The following GABRG3 variants were observed in gnomAD, a reference collection of about 807,000 sequenced individuals.
GABRG3 encodes the protein gamma-aminobutyric acid type A receptor subunit gamma3, also known as gamma-aminobutyric acid receptor subunit gamma-3.
Under a neutral mutation model 48.8 loss-of-function variants are expected in GABRG3, and 25 were observed. That is an observed-to-expected ratio of 0.51 (90% CI 0.37 to 0.72). GABRG3 has a LOEUF of 0.72. GABRG3 is among the 30% of genes least tolerant of loss of function. The probability of loss-of-function intolerance (pLI) is 0.00; values close to 1 mark genes in which losing one functional copy is unlikely to be tolerated. For missense variants in GABRG3, 394 were observed against 577.9 expected (o/e 0.68, Z 3.26); for synonymous variants, 227 against 217.6 (o/e 1.04, Z -0.38).
intron 3 of GABRG3, among the ~76,000 whole-genome samples, chr15:27,098,006 G>A (rs1173790448): frequency 1.3e-5 from 2 of 149,962 alleles, no homozygotes; most frequent in Non-Finnish European, 3.0e-5. Flanking sequence ...AAAAGAAACT[G>A]TAACAACAAA....
intron 3 of GABRG3, among the ~76,000 whole-genome samples, chr15:27,292,900 G>A (rs931823375): frequency 6.6e-6 from 1 of 152,170 alleles, no homozygotes; most frequent in Non-Finnish European, 1.5e-5. Context: ...TCTGCTGATC[G>A]TGGGTAGACT....
At chr15:27,270,958 T>G (rs920628381) in intron 3 of GABRG3, among the ~76,000 whole-genome samples, 1 of 152,152 alleles carries the variant, frequency 6.6e-6, no homozygotes, top group African/African-American at 2.4e-5. Flanking sequence ...CTCAGGCCAT[T>G]CTTTGGGGGA....
intron 5 of GABRG3, among the ~76,000 whole-genome samples, chr15:27,357,902 T>C (rs1274775029): frequency 6.6e-6 from 1 of 152,222 alleles, no homozygotes; most frequent in Non-Finnish European, 1.5e-5. Flanking sequence ...TTCCCAAACA[T>C]TGGTTTATCT....
At chr15:27,248,634 C>T (rs976243463) in intron 3 of GABRG3, among the ~76,000 whole-genome samples, 5 of 152,088 alleles carry the variant, frequency 3.3e-5, no homozygotes, top group Non-Finnish European at 7.4e-5. Flanking sequence ...GTACTGCCCA[C>T]AGAGGTCTAG....
intron 3 of GABRG3, among the ~76,000 whole-genome samples, chr15:27,318,552 C>T (rs1893310838): frequency 1.3e-5 from 2 of 152,170 alleles, no homozygotes; most frequent in Non-Finnish European, 2.9e-5. Context: ...TCAGAAATTC[C>T]AGCCCATCCC....
At chr15:27,265,882 G>GTTTTTTTTTTTTTTTTTTTTTTTT (rs57522857) in intron 3 of GABRG3, among the ~76,000 whole-genome samples, 13 of 127,582 alleles carry the variant, frequency 1.0e-4, no homozygotes, top group African/African-American at 3.1e-4. Context: ...TTTTCTCCTG[G>GTTTTTTTTTTTTTTTTTTTTTTTT]TTTTTTTTTT....
chr15:26,991,644 T>C (rs1895250118), intron 2 of GABRG3, among the ~76,000 whole-genome samples: 1 of 152,220 alleles, frequency 6.6e-6, no homozygotes. Context: ...TTTCACATCT[T>C]TGGTTAATTC....
At chr15:27,367,237 A>G (rs1004114286) in intron 5 of GABRG3, among the ~76,000 whole-genome samples, 1 of 152,114 alleles carries the variant, frequency 6.6e-6, no homozygotes, top group African/African-American at 2.4e-5. Context: ...TCGTGAGAAC[A>G]CCCAGGACCT....
chr15:27,302,895 T>G (rs966552238), intron 3 of GABRG3, among the ~76,000 whole-genome samples: 1 of 151,678 alleles, frequency 6.6e-6, no homozygotes, highest in Non-Finnish European at 1.5e-5. Flanking sequence ...AAAGAGGAAG[T>G]CTCAAGGGAA....
chr15:27,464,648 A>G (rs1299673342), intron 5 of GABRG3, among the ~76,000 whole-genome samples: 2 of 152,192 alleles, frequency 1.3e-5, no homozygotes, highest in Non-Finnish European at 2.9e-5. Flanking sequence ...TTAAAATCCT[A>G]GCCATCCTAG....
intron 3 of GABRG3, among the ~76,000 whole-genome samples, chr15:27,171,980 G>A (rs1426995570): frequency 6.6e-6 from 1 of 151,176 alleles, no homozygotes; most frequent in Non-Finnish European, 1.5e-5. Flanking sequence ...GGTGTCACAT[G>A]CCGAATAAGC....
In GABRG3 at chr15:27,527,964, C is replaced by T. The variant is rs1262686316; in HGVS notation, c.1094C>T (p.Pro365Leu). The change falls in exon 9 of 10, where the codon CCT becomes CTT. Residue 365 changes from proline (P) to leucine (L), a missense_variant. Physicochemically the swap from Pro to Leu is moderately conservative, Grantham distance 98 (BLOSUM62 -3). Around this residue, in one of 3 missense-constraint regions of GABRG3, gnomAD observed 126 missense variants for 155.5 expected, o/e 0.81. Coordinates refer to ENST00000615808, the MANE Select transcript of GABRG3 (RefSeq NM_033223.5). Reference sequence around the variant, plus strand: ...CATCCAGATTCCTCAAGATGGATTCCTGAGCGAATAAGCCTACAAGCCCCT... The same window carrying T: ...CATCCAGATTCCTCAAGATGGATTCTTGAGCGAATAAGCCTACAAGCCCCT... ...LLHPDSSRWI[P>L]ERISLQAPSN... The T allele has an allele frequency of 6.3e-7, 1 of 1,597,282 alleles. No individual in the cohort carries two copies. Among genetic ancestry groups the T allele is most frequent in the Non-Finnish European group, 8.5e-7 (1 of 1,170,870 alleles).
Position 27,277,050 on chromosome 15 carries a change from A to G in GABRG3, c.271-49759A>G, listed in dbSNP as rs78364769. On this transcript the variant is annotated intron_variant, in intron 3 of 9. Transcript: ENST00000615808. Reference sequence around the variant, plus strand: ...AACTAATAAGATGCTCAAGAAGGGAAAGCCAGAGTGAGATAGAGGTCTGCA... The same window carrying G: ...AACTAATAAGATGCTCAAGAAGGGAGAGCCAGAGTGAGATAGAGGTCTGCA... Among the ~76,000 whole-genome samples the G allele has an allele frequency of 1.5e-3, 228 of 152,374 alleles. 1 individual carries two copies. The highest frequency in any genetic ancestry group is 4.9e-3 in the African/African-American group (202 of 41,582).
rs112450549 is a variant in GABRG3, at chr15:27,446,916, T to C, written c.575-33734T>C. On this transcript the variant is annotated intron_variant, in intron 5 of 9. Coordinates refer to ENST00000615808, the MANE Select transcript of GABRG3 (RefSeq NM_033223.5). ...CCAACACACATTCACACACATATAC[T>C]CATGCCCGCACCGACTCACACACTT... is the stretch of plus-strand genomic sequence containing the variant. Among the ~76,000 whole-genome samples the C allele has an allele frequency of 1.6e-4, 25 of 152,164 alleles. 1 individual carries two copies. Among genetic ancestry groups the C allele is most frequent in the Admixed American group, 7.2e-4 (11 of 15,290 alleles).
At chr15:27,287,737 C>CTT (rs61469529) in intron 3 of GABRG3, among the ~76,000 whole-genome samples, 3,040 of 123,250 alleles carry the variant, frequency 0.025, 258 homozygotes, top group African/African-American at 0.093. Flanking sequence ...TTTGCTGTGT[C>CTT]TTTTTTTTTT....
At position 26,971,380 on chromosome 15, in the gene GABRG3, C is replaced by A. The variant is rs577737526; in HGVS notation, c.-156C>A. 2.9e-5 allele frequency: 13 copies of A among 455,678 alleles called. No homozygotes were observed. The highest frequency in any genetic ancestry group is 4.2e-5 in the Non-Finnish European group (12 of 283,778). 28.2% of individuals were successfully genotyped at this position (455,678 alleles called of 1,614,324 possible). A position where few individuals can be genotyped will look rare whatever the true frequency, so the allele number is the denominator to read the frequency against. Reference sequence around the variant, plus strand: ...GCGTCCAGTGTGCGCCCCGCGGGGGCGCGGCCAGCGCCAGAGTAGATACCT... The same window carrying A: ...GCGTCCAGTGTGCGCCCCGCGGGGGAGCGGCCAGCGCCAGAGTAGATACCT... On this transcript the variant is annotated 5_prime_UTR_variant, in exon 1 of 10. Transcript: ENST00000615808.
intron 5 of GABRG3, among the ~76,000 whole-genome samples, chr15:27,461,797 C>T (rs906773566): frequency 2.0e-5 from 3 of 152,156 alleles, no homozygotes; most frequent in African/African-American, 7.2e-5. Context: ...GCCCAGCGGG[C>T]TTCAATTCTC....
At chr15:27,432,038 C>T (rs186982989) in intron 5 of GABRG3, among the ~76,000 whole-genome samples, 17 of 152,154 alleles carry the variant, frequency 1.1e-4, no homozygotes, top group East Asian at 3.9e-4. Flanking sequence ...TTACATTTAT[C>T]GAAGCTTATT....
intron 2 of GABRG3, among the ~76,000 whole-genome samples, chr15:27,003,354 G>T (rs1436311052): frequency 6.6e-6 from 1 of 151,620 alleles, no homozygotes; most frequent in African/African-American, 2.4e-5. Context: ...GTTTTCCTAG[G>T]CAGAGGTCCC....
Sources: allele counts gnomAD v4.1 joint callset (sites outside exome capture counted in the v4.1 genomes callset), GRCh38; gene constraint gnomAD v4.1.1; regional missense constraint gnomAD v4.1.1; transcripts MANE v1.5; gene names NCBI Gene and HGNC (gene_info 2026-07-23, HGNC 2026-07-21).